The following TRAF7 variants were observed in gnomAD, a reference collection of about 807,000 sequenced individuals.
TRAF7 encodes E3 ubiquitin-protein ligase TRAF7.
Under a neutral mutation model 89.3 loss-of-function variants are expected in TRAF7, and 45 were observed. The ratio of observed to expected loss-of-function variants is 0.50; its 90% CI spans 0.40 to 0.65. TRAF7 has a LOEUF of 0.65. Ranked by LOEUF, TRAF7 falls within the 30% of genes least tolerant of loss-of-function variation. The pLI, the probability that TRAF7 is intolerant of heterozygous loss-of-function variation, is 0.00. For synonymous variants in TRAF7, 406 were observed against 369.2 expected, an observed-to-expected ratio of 1.10 and a Z score of -1.14; for missense variants, 677 against 918.1, an observed-to-expected ratio of 0.74 and a Z score of 3.39.
At chr16:2,172,091 C>A in intron 7 of TRAF7, 100 bp from the exon 8 acceptor site, 3 of 1,452,944 alleles carry the variant, frequency 2.1e-6, no homozygotes, top group Non-Finnish European at 1.9e-6. Context: ...CTCAGAGGCG[C>A]AGATGGACAG....
chr16:2,156,744 G>A (rs1352886023), intron 1 of TRAF7, among the ~76,000 whole-genome samples: 1 of 152,018 alleles, frequency 6.6e-6, no homozygotes, highest in Non-Finnish European at 1.5e-5. Context: ...TGGGGCGGGG[G>A]GGTTATTATG....
Position 2,168,275 on chromosome 16 carries a change from G to C in TRAF7, c.231+107G>C. 1 of 920,790 alleles carries C rather than the reference G, an allele frequency of 1.1e-6. No homozygotes were observed. Among genetic ancestry groups the C allele is most frequent in the Non-Finnish European group, 1.6e-6 (1 of 613,082 alleles). The allele number at this position is 920,790 out of a possible 1,614,324, so 57.0% of individuals were successfully genotyped here. The stretch of plus-strand genomic sequence containing the variant: ...GTTGACAGTGAGCTGGTGAGGCACA[G>C]GAGAAGAAGAGCACCTGTGGATACC... On this transcript the variant is annotated intron_variant, in intron 4 of 20. Coordinates refer to ENST00000326181, the MANE Select transcript of TRAF7 (RefSeq NM_032271.3). The surrounding 1 kb of genome is among the most constrained non-coding windows in gnomAD (Gnocchi z 4.1).
rs2093131998 is a variant in TRAF7, at chr16:2,175,526, G to A, written c.1530G>A (p.Leu510=). Residue 510 remains leucine (L), a synonymous_variant, in exon 17 of 21, where the codon CTG becomes CTA. Transcript: ENST00000326181. ...IKVWDIVGTE[L]KLKKELTGLN... ...TCTGGGACATCGTGGGCACTGAGCT[G>A]AAGTTGAAGAAGGAGCTCACAGGCC... 6 of 1,613,322 alleles carry A rather than the reference G, an allele frequency of 3.7e-6. No homozygotes were observed. The highest frequency in any genetic ancestry group is 5.1e-6 in the Non-Finnish European group (6 of 1,179,990).
intron 3 of TRAF7, among the ~76,000 whole-genome samples, chr16:2,166,937 A>T (rs1204475691): frequency 6.6e-6 from 1 of 152,020 alleles, no homozygotes; most frequent in Non-Finnish European, 1.5e-5. Context: ...CCTTTCTGGC[A>T]CTCTGCCCTT....
intron 1 of TRAF7, among the ~76,000 whole-genome samples, chr16:2,160,576 G>A (rs113080601): frequency 0.011 from 1,613 of 142,714 alleles, 12 homozygotes; most frequent in Non-Finnish European, 0.018. Flanking sequence ...GTGGGCGGGC[G>A]GTGCTCGGGC....
intron 2 of TRAF7, among the ~76,000 whole-genome samples, 197 bp downstream of exon 2, chr16:2,164,198 T>G (rs2093071592): frequency 2.1e-5 from 3 of 141,176 alleles, no homozygotes; most frequent in South Asian, 2.3e-4. Context: ...GCGTGTGTGG[T>G]TGGGGCGTGT....
In TRAF7 at chr16:2,159,613, CA is replaced by C. The variant is rs1048916381; in HGVS notation, c.-39+3756del. On this transcript the variant is annotated intron_variant, in intron 1 of 20. Coordinates refer to ENST00000326181, the MANE Select transcript of TRAF7 (RefSeq NM_032271.3). The surrounding 1 kb of genome is among the most constrained non-coding windows in gnomAD (Gnocchi z 6.5). ...GTGCCCTGGGCAGGCTCTGTGATGC[CA>C]GGGGCCACGCTCGGAGCTCTGGCCG... is the stretch of plus-strand genomic sequence containing the variant. Among the ~76,000 whole-genome samples, 5 of 152,164 alleles carry C rather than the reference CA, an allele frequency of 3.3e-5. No homozygotes were observed. Among genetic ancestry groups the C allele is most frequent in the African/African-American group, 1.2e-4 (5 of 41,422 alleles).
Position 2,163,119 on chromosome 16 carries a change from C to T in TRAF7, c.-38-764C>T, listed in dbSNP as rs76619394. 0.036 allele frequency among the ~76,000 whole-genome samples: 5,492 copies of T among 152,224 alleles called. 154 individuals are homozygous for T. Among genetic ancestry groups the T allele is most frequent in the Non-Finnish European group, 0.056 (3,789 of 67,972 alleles). On this transcript the variant is annotated intron_variant, in intron 1 of 20. Transcript: ENST00000326181. This position sits in a 1 kb window ranked among gnomAD's most constrained non-coding sequence, Gnocchi z 4.3. Reference sequence around the variant, plus strand: ...GCCTGGCCAGCACTCCCAGCACCCACGGAGGGGCCACGTCTCCCCCAGGCC... The same window carrying T: ...GCCTGGCCAGCACTCCCAGCACCCATGGAGGGGCCACGTCTCCCCCAGGCC...
intron 8 of TRAF7, 39 bp downstream of exon 8, chr16:2,172,413 G>A: frequency 1.2e-6 from 2 of 1,610,960 alleles, no homozygotes; most frequent in South Asian, 2.2e-5. Flanking sequence ...CTCCCTGGGG[G>A]CTGCTTCTCA....
Position 2,172,348 on chromosome 16 carries a change from C to T in TRAF7, c.633C>T (p.Pro211=). The change falls in exon 8 of 21, where the codon CCC becomes CCT. Residue 211 remains proline, a synonymous_variant. Coordinates refer to ENST00000326181, the MANE Select transcript of TRAF7 (RefSeq NM_032271.3). ...TTGAGGTGGACCCCCGAGGGTGCCC[C>T]TTCACCATCAAGCTCAGCGCCCGGA... is the stretch of plus-strand genomic sequence containing the variant. ...PIFEVDPRGC[P]FTIKLSARKD... 1.2e-6 allele frequency: 2 copies of T among 1,612,262 alleles called. No individual in the cohort carries two copies. Among genetic ancestry groups the T allele is most frequent in the South Asian group, 1.1e-5 (1 of 91,056 alleles).
chr16:2,166,763 C>T (rs1173816683), intron 3 of TRAF7, among the ~76,000 whole-genome samples: 2 of 152,242 alleles, frequency 1.3e-5, no homozygotes, highest in Admixed American at 1.3e-4. Context: ...CTGAAGCTTC[C>T]CTGCTGCTTC....
rs184752135 is a variant in TRAF7 at position 2,163,909 on chromosome 16, C to A, written c.-12C>A. 1.2e-6 allele frequency: 2 copies of A among 1,611,230 alleles called. No individual in the cohort carries two copies. The highest frequency in any genetic ancestry group is 3.3e-5 in the Admixed American group (2 of 59,790). On this transcript the variant is annotated 5_prime_UTR_variant, in exon 2 of 21. Coordinates refer to ENST00000326181, the MANE Select transcript of TRAF7 (RefSeq NM_032271.3). The surrounding 1 kb of genome is among the most constrained non-coding windows in gnomAD (Gnocchi z 4.3). The stretch of plus-strand genomic sequence containing the variant: ...AGGTGCTTCCCAAGGACCGTAGATG[C>A]CTCTCTAGAGCATGAGCTCAGGCAA...
intron 2 of TRAF7, 144 bp downstream of exon 2, chr16:2,164,145 TGTGTGTGTGTGTGTGCGCGCGCGCGC>T (rs1463934781): frequency 1.8e-6 from 1 of 557,998 alleles, no homozygotes; most frequent in East Asian, 3.1e-5. Context: ...GTGTGGTGTG[TGTGTGTGTGTGTGTGCGCGCGCGCGC>T]GCGCGCGCGC....
At position 2,172,234 on chromosome 16, in the gene TRAF7, C is replaced by A; in HGVS notation, c.519C>A (p.Asn173Lys). Reference protein sequence around the residue: ...VDNVKLTVVVNNIAVAEQIGE... With the variant: ...VDNVKLTVVVKNIAVAEQIGE... The stretch of plus-strand genomic sequence containing the variant: ...ACGTCAAACTGACCGTGGTGGTGAA[C>A]AACATCGCGGTGGCCGAGCAGATCG... Residue 173 changes from asparagine to lysine, a missense_variant, in exon 8 of 21, where the codon AAC becomes AAA. Physicochemically the swap from Asn to Lys is moderately conservative, Grantham distance 94. Around this residue, in one of 6 missense-constraint regions of TRAF7, gnomAD observed 238 missense variants for 352.6 expected, o/e 0.67. Coordinates refer to ENST00000326181, the MANE Select transcript of TRAF7 (RefSeq NM_032271.3). 1 of 1,613,100 alleles carries A rather than the reference C, an allele frequency of 6.2e-7. No homozygotes were observed. The highest frequency in any genetic ancestry group is 8.5e-7 in the Non-Finnish European group (1 of 1,179,990).
rs766730147 is a variant in TRAF7, at chr16:2,171,252, G to A, written c.349-12G>A. ...CCTCCCGCCATCGCCTGCCTTTCCC[G>A]CTTGGTTCCAGGAGCCACTGGTGTT... is the stretch of plus-strand genomic sequence containing the variant. On this transcript the variant is annotated splice_polypyrimidine_tract_variant and intron_variant, in intron 5 of 20. Transcript: ENST00000326181. 19 of 1,539,494 alleles carry A rather than the reference G, an allele frequency of 1.2e-5. No homozygotes were observed. The highest frequency in any genetic ancestry group is 4.9e-5 in the East Asian group (2 of 40,988).
chr16:2,173,422 G>A, intron 10 of TRAF7, 23 bp downstream of exon 10: 1 of 1,612,586 alleles, frequency 6.2e-7, no homozygotes, highest in South Asian at 1.1e-5. Context: ...ACCGGGGCAG[G>A]CAGGGGCCTG....
intron 14 of TRAF7, 124 bp from the exon 15 acceptor site, chr16:2,174,987 G>A: frequency 8.3e-7 from 1 of 1,208,260 alleles, no homozygotes; most frequent in South Asian, 1.3e-5. Flanking sequence ...GGACACAGCA[G>A]TGGCCTTGGC....
chr16:2,171,555 G>T lies in TRAF7; in HGVS notation c.442-17G>T. The T allele has an allele frequency of 6.2e-7, 1 of 1,613,234 alleles. No individual in the cohort carries two copies. Reference sequence around the variant, plus strand: ...AGGACCCTGCGCCACCCTCAAGCCCGCCCTTTGCCTCCACAGCACACGTTC... The same window carrying T: ...AGGACCCTGCGCCACCCTCAAGCCCTCCCTTTGCCTCCACAGCACACGTTC... On this transcript the variant is annotated splice_polypyrimidine_tract_variant and intron_variant, in intron 6 of 20. Coordinates refer to ENST00000326181, the MANE Select transcript of TRAF7 (RefSeq NM_032271.3).
rs556833517 is a variant in TRAF7 at position 2,157,281 on chromosome 16, G to A, written c.-39+1423G>A. Among the ~76,000 whole-genome samples the A allele has an allele frequency of 1.5e-4, 23 of 152,282 alleles. 1 individual carries two copies. In the South Asian group the frequency reaches 4.6e-3, roughly 30 times the overall value. ...GGAAGCCTCGGGCCCCGTGTCCTGA[G>A]GGGGAGCAGTGGTATGGGCAGCCTG... On this transcript the variant is annotated intron_variant, in intron 1 of 20. Coordinates refer to ENST00000326181, the MANE Select transcript of TRAF7 (RefSeq NM_032271.3).
Sources: gnomAD v4.1 joint callset for allele counts (sites outside exome capture counted in the v4.1 genomes callset) on GRCh38, gnomAD v4.1.1 for gene constraint, gnomAD v4.1.1 regional missense constraint, Gnocchi (gnomAD v3.1) non-coding constraint, MANE v1.5 for transcripts, NCBI Gene and HGNC (gene_info 2026-07-23, HGNC 2026-07-21) for gene names.